SRD5A3: variants seen among roughly 807,000 people sequenced by gnomAD.
SRD5A3 encodes polyprenal reductase.
Under a neutral mutation model 34.3 loss-of-function variants are expected in SRD5A3, and 24 were observed. The ratio of observed to expected loss-of-function variants is 0.70; its 90% CI spans 0.51 to 0.99. The LOEUF (loss-of-function observed/expected upper bound fraction) is 0.99, where lower values mean the gene tolerates loss of function less well. Ranked by LOEUF, SRD5A3 falls within the 50% of genes least tolerant of loss-of-function variation. SRD5A3 has a pLI of 0.00. For synonymous variants in SRD5A3, 161 were observed against 167.3 expected, an observed-to-expected ratio of 0.96 and a Z score of 0.29; for missense variants, 350 against 388.2, an observed-to-expected ratio of 0.90 and a Z score of 0.83.
chr4:55,350,009 T>C (rs1719128945), intron 1 of SRD5A3, among the ~76,000 whole-genome samples: 1 of 152,202 alleles, frequency 6.6e-6, no homozygotes, highest in Non-Finnish European at 1.5e-5. Flanking sequence ...AATATTACTG[T>C]TTTCCTTGTT....
chr4:55,350,225 C>T (rs1306648529), intron 1 of SRD5A3, among the ~76,000 whole-genome samples: 1 of 151,998 alleles, frequency 6.6e-6, no homozygotes, highest in Admixed American at 6.6e-5. Flanking sequence ...CAAAAATTAG[C>T]TGGGCATGGT....
intron 1 of SRD5A3, 74 bp from the exon 2 acceptor site, chr4:55,359,272 A>C: frequency 6.3e-7 from 1 of 1,595,826 alleles, no homozygotes; most frequent in Non-Finnish European, 8.6e-7. Context: ...CAGAGAAACT[A>C]AAAATAATCT....
chr4:55,359,289 A>G (rs541368822), intron 1 of SRD5A3, 57 bp from the exon 2 acceptor site: 56 of 1,608,612 alleles, frequency 3.5e-5, no homozygotes, highest in South Asian at 3.3e-4. Context: ...ATCTTCCCGT[A>G]TAAGAGCTTG....
Position 55,346,386 on chromosome 4 carries a change from C to A in SRD5A3, c.50C>A (p.Ala17Glu). ...CACTCGGCGCTGAACCCGCTGCGCG[C>A]GGTGTGGCTCACGCTGACCGCCGCC... ...AEHSALNPLR[A>E]VWLTLTAAFL... Residue 17 changes from alanine (A) to glutamate (E), a missense_variant, in exon 1 of 5, where the codon GCG (alanine) becomes GAG (glutamate). Coordinates refer to ENST00000264228, the MANE Select transcript of SRD5A3 (RefSeq NM_024592.5). 2.5e-6 allele frequency: 4 copies of A among 1,574,948 alleles called. No homozygotes were observed. The highest frequency in any genetic ancestry group is 3.4e-6 in the Non-Finnish European group (4 of 1,163,112).
intron 1 of SRD5A3, 138 bp downstream of exon 1, chr4:55,346,695 G>C (rs1372436567): frequency 1.3e-6 from 1 of 784,398 alleles, no homozygotes. Flanking sequence ...GGCGCAGCAC[G>C]GCGCTCCCTC....
chr4:55,351,361 C>T (rs1329081799), intron 1 of SRD5A3, among the ~76,000 whole-genome samples: 6 of 152,072 alleles, frequency 3.9e-5, no homozygotes, highest in East Asian at 1.9e-4. Flanking sequence ...CATGAGCCAC[C>T]GTGTCTGGCC....
chr4:55,369,689 C>T (rs1292274729), intron 4 of SRD5A3, 143 bp from the exon 5 acceptor site: 30 of 934,976 alleles, frequency 3.2e-5, no homozygotes, highest in African/African-American at 1.0e-4. Flanking sequence ...CATGACTGCA[C>T]GACTGCACTC....
At position 55,346,293 on chromosome 4, in the gene SRD5A3, G is replaced by T; in HGVS notation, c.-44G>T. 7.3e-7 allele frequency: 1 copy of T among 1,361,856 alleles called. No homozygotes were observed. Among genetic ancestry groups the T allele is most frequent in the Non-Finnish European group, 9.4e-7 (1 of 1,061,484 alleles). The allele number at this position is 1,361,856 out of a possible 1,614,324, so 84.4% of individuals were successfully genotyped here. A position where few individuals can be genotyped will look rare whatever the true frequency, so the allele number is the denominator to read the frequency against. ...AGTGGCCGCTCTTCCGCGGGCTAGC[G>T]GGCGGTGGGGGCGCCAGCAGCGCGG... On this transcript the variant is annotated 5_prime_UTR_variant, in exon 1 of 5. Transcript: ENST00000264228.
rs1304625605 is a variant in SRD5A3, at chr4:55,354,386, C to T, written c.222-4960C>T. 3.3e-5 allele frequency among the ~76,000 whole-genome samples: 5 copies of T among 152,154 alleles called. No individual in the cohort carries two copies. The East Asian group carries it at 5.8e-4, about 18-fold the overall frequency. ...CCGGGATTACAGGCCTGACGCACCG[C>T]GCTCGGCCAGCAAATATGTATTAAT... On this transcript the variant is annotated intron_variant, in intron 1 of 4. Transcript: ENST00000264228.
At chr4:55,357,005 A>G (rs1406795312) in intron 1 of SRD5A3, among the ~76,000 whole-genome samples, 1 of 151,968 alleles carries the variant, frequency 6.6e-6, no homozygotes, top group Admixed American at 6.6e-5. Context: ...GTATACACCC[A>G]CCTCATTGCC....
chr4:55,349,044 T>C (rs567436526), intron 1 of SRD5A3, among the ~76,000 whole-genome samples: 1 of 152,334 alleles, frequency 6.6e-6, no homozygotes, highest in East Asian at 1.9e-4. Context: ...TCTTTTGTTT[T>C]GTTTTTTTGA....
At chr4:55,348,846 G>A (rs1375099599) in intron 1 of SRD5A3, among the ~76,000 whole-genome samples, 7 of 152,156 alleles carry the variant, frequency 4.6e-5, no homozygotes, top group Non-Finnish European at 8.8e-5. Context: ...TTATCCTCTG[G>A]TATACTTCGT....
At chr4:55,360,664 G>A (rs768023363) in intron 2 of SRD5A3, among the ~76,000 whole-genome samples, 20 of 151,054 alleles carry the variant, frequency 1.3e-4, no homozygotes, top group Admixed American at 3.3e-4. Context: ...GCCATCCTCA[G>A]CATCAGGATG....
chr4:55,354,830 G>A (rs1418459149), intron 1 of SRD5A3, among the ~76,000 whole-genome samples: 1 of 152,128 alleles, frequency 6.6e-6, no homozygotes, highest in Non-Finnish European at 1.5e-5. Context: ...GCGCGTGCGT[G>A]CGCGCGTACG....
At chr4:55,365,299 C>T (rs983960850) in intron 3 of SRD5A3, among the ~76,000 whole-genome samples, 1 of 152,162 alleles carries the variant, frequency 6.6e-6, no homozygotes, top group Non-Finnish European at 1.5e-5. Flanking sequence ...GTATGAGTGC[C>T]CCGTGAAAGT....
At chr4:55,363,518 A>T (rs540788761) in intron 2 of SRD5A3, among the ~76,000 whole-genome samples, 1 of 145,572 alleles carries the variant, frequency 6.9e-6, no homozygotes, top group African/African-American at 2.4e-5. Flanking sequence ...GTGTTTTTTT[A>T]AAGCCAGCTT....
At chr4:55,355,941 G>A (rs1719438499) in intron 1 of SRD5A3, among the ~76,000 whole-genome samples, 1 of 150,060 alleles carries the variant, frequency 6.7e-6, no homozygotes, top group Non-Finnish European at 1.5e-5. Flanking sequence ...CGTTACCAGA[G>A]GGATATTTTT....
At chr4:55,352,488 T>C (rs1401819849) in intron 1 of SRD5A3, 9 of 621,722 alleles carry the variant, frequency 1.4e-5, no homozygotes, top group South Asian at 8.2e-5. Flanking sequence ...GGGTCCATGA[T>C]GGAGAAATGG....
Position 55,370,327 on chromosome 4 carries a change from C to G in SRD5A3, c.*236C>G. The stretch of plus-strand genomic sequence containing the variant: ...GATCTGCGATTTCTGGGTCCACTTT[C>G]TGAGATGCTTTCTAAAACCAACCAA... On this transcript the variant is annotated 3_prime_UTR_variant, in exon 5 of 5. Transcript: ENST00000264228. The G allele has an allele frequency of 5.2e-6, 3 of 580,174 alleles. No individual in the cohort carries two copies. The highest frequency in any genetic ancestry group is 9.0e-6 in the Non-Finnish European group (3 of 334,384). The allele number at this position is 580,174 out of a possible 1,614,324, so 35.9% of individuals were successfully genotyped here. A position where few individuals can be genotyped will look rare whatever the true frequency, so the allele number is the denominator to read the frequency against.
Sources: gnomAD v4.1 joint callset for allele counts (sites outside exome capture counted in the v4.1 genomes callset) on GRCh38, gnomAD v4.1.1 for gene constraint, MANE v1.5 for transcripts, NCBI Gene and HGNC (gene_info 2026-07-23, HGNC 2026-07-21) for gene names.